Variants in PAPLN observed in about 807,000 individuals in gnomAD.
PAPLN encodes papilin, proteoglycan like sulfated glycoprotein, also known as papilin.
PAPLN carries 146 observed loss-of-function variants against 159.0 expected under a neutral mutation model. The ratio of observed to expected loss-of-function variants is 0.92; its 90% confidence interval spans 0.80 to 1.05. PAPLN has a LOEUF of 1.05. Ranked by LOEUF, PAPLN falls within the 50% of genes least tolerant of loss-of-function variation. The probability of loss-of-function intolerance (pLI) is 0.00; values close to 1 mark genes in which losing one functional copy is unlikely to be tolerated. For missense variants in PAPLN, 1,720 were observed against 1,743.9 expected, an observed-to-expected ratio of 0.99 and a Z score of 0.24; for synonymous variants, 734 against 702.9, an observed-to-expected ratio of 1.04 and a Z score of -0.70.
At chr14:73,244,854 C>A in intron 3 of PAPLN, 95 bp downstream of exon 3, 2 of 932,892 alleles carry the variant, frequency 2.1e-6, no homozygotes, top group Non-Finnish European at 3.2e-6. Flanking sequence ...TAGGCTAGCA[C>A]TGGCCACATC....
intron 2 of PAPLN, 171 bp from the exon 3 acceptor site, chr14:73,244,473 T>G: frequency 1.7e-6 from 1 of 572,686 alleles, no homozygotes; most frequent in Non-Finnish European, 3.1e-6. Flanking sequence ...TGAAAAGGAA[T>G]ATGTTTTGGG....
Position 73,254,974 on chromosome 14 carries a change from T to C in PAPLN, c.1583T>C (p.Val528Ala). 6.2e-7 allele frequency: 1 copy of C among 1,613,780 alleles called. No individual in the cohort carries two copies. The highest frequency in any genetic ancestry group is 1.1e-5 in the South Asian group (1 of 91,072). Reference protein sequence around the residue: ...HCGSLQHSKPVDVEPCNTQPC... With the variant: ...HCGSLQHSKPADVEPCNTQPC... ...GGGAGCCTGCAGCACTCCAAGCCTG[T>C]GGATGTGGAGCCTTGTAACACGCAG... Residue 528 changes from valine (V) to alanine (A), a missense_variant, in exon 14 of 27, where the codon GTG (valine) becomes GCG (alanine). Coordinates refer to ENST00000644200, the MANE Select transcript of PAPLN (RefSeq NM_001365906.3).
At chr14:73,249,788 C>T (rs1217285227) in intron 5 of PAPLN, 196 bp from the exon 6 acceptor site, 35 of 392,442 alleles carry the variant, frequency 8.9e-5, no homozygotes, top group Non-Finnish European at 6.3e-5. Context: ...GATTTTTCTT[C>T]GACTTGATCC....
chr14:73,238,074 G>C (rs977410924), intron 1 of PAPLN, among the ~76,000 whole-genome samples: 1 of 152,188 alleles, frequency 6.6e-6, no homozygotes, highest in Admixed American at 6.5e-5. Flanking sequence ...CCTGGGGTGG[G>C]GACGCGGGGT....
At chr14:73,247,808 G>T (rs1884660658) in intron 5 of PAPLN, among the ~76,000 whole-genome samples, 1 of 105,602 alleles carries the variant, frequency 9.5e-6, no homozygotes, top group Non-Finnish European at 1.9e-5. Context: ...GTGTGTGTGT[G>T]TGTGTGTGTG....
At chr14:73,269,511 CA>C (rs1270833705) in intron 26 of PAPLN, among the ~76,000 whole-genome samples, 1 of 152,170 alleles carries the variant, frequency 6.6e-6, no homozygotes, top group Non-Finnish European at 1.5e-5. Flanking sequence ...AATTAGGATG[CA>C]AACCAACTTG....
At chr14:73,262,315 A>T (rs774766050) in intron 18 of PAPLN, 35 bp from the exon 19 acceptor site, 2 of 1,566,870 alleles carry the variant, frequency 1.3e-6, no homozygotes, top group Non-Finnish European at 1.7e-6. Context: ...AGTACTGGGC[A>T]CCTCAGTGAC....
At chr14:73,248,438 C>T (rs1230167029) in intron 5 of PAPLN, among the ~76,000 whole-genome samples, 1 of 152,088 alleles carries the variant, frequency 6.6e-6, no homozygotes. Flanking sequence ...GGATACCTTC[C>T]ATGGTATGGA....
upstream of PAPLN, among the ~76,000 whole-genome samples, chr14:73,236,096 C>T (rs965227377): frequency 6.6e-6 from 1 of 152,114 alleles, no homozygotes; most frequent in African/African-American, 2.4e-5. Flanking sequence ...CCAACCTCTC[C>T]CCAACTTCTT....
intron 5 of PAPLN, 145 bp from the exon 6 acceptor site, chr14:73,249,839 G>A: frequency 2.4e-6 from 2 of 840,264 alleles, no homozygotes; most frequent in South Asian, 2.7e-5. Flanking sequence ...CCCTTCTCCT[G>A]GGGATGGGGC....
rs1887038677 is a variant in PAPLN at position 73,264,730 on chromosome 14, A to G, written c.3125+4A>G. 1 of 1,612,600 alleles carries G rather than the reference A, an allele frequency of 6.2e-7. No homozygotes were observed. The highest frequency in any genetic ancestry group is 1.3e-5 in the African/African-American group (1 of 74,884). On this transcript the variant is annotated splice_donor_region_variant and intron_variant, in intron 22 of 26. Coordinates refer to ENST00000644200, the MANE Select transcript of PAPLN (RefSeq NM_001365906.3). ...CACACCCACAGCCTGCAAACAGGTAAGAACTCAGCAATGCCATCTTGCCCT... is the reference window on the plus strand; with the variant it reads ...CACACCCACAGCCTGCAAACAGGTAGGAACTCAGCAATGCCATCTTGCCCT...
At chr14:73,261,414 C>A in intron 18 of PAPLN, 120 bp downstream of exon 18, 1 of 1,379,898 alleles carries the variant, frequency 7.2e-7, no homozygotes, top group Non-Finnish European at 9.7e-7. Context: ...ATTCCTACCA[C>A]AAATGTTGAT....
chr14:73,267,656 C>T (rs957574786), intron 25 of PAPLN, among the ~76,000 whole-genome samples: 3 of 152,206 alleles, frequency 2.0e-5, no homozygotes, highest in Admixed American at 6.5e-5. Flanking sequence ...AGAGGTGACG[C>T]GATTGCGGAG....
chr14:73,264,807 T>C, intron 22 of PAPLN, 81 bp downstream of exon 22: 1 of 1,589,538 alleles, frequency 6.3e-7, no homozygotes, highest in Non-Finnish European at 8.5e-7. Flanking sequence ...GAGGGGAACG[T>C]CTGCTGTGAC....
chr14:73,247,984 CTGTGTGTGTG>C (rs60942606), intron 5 of PAPLN, among the ~76,000 whole-genome samples: 1,698 of 19,312 alleles, frequency 0.088, 87 homozygotes, highest in East Asian at 0.14. Context: ...CTCATATCCT[CTGTGTGTGTG>C]TGTGTGTGTG....
In PAPLN at chr14:73,245,580, A is replaced by C. The variant is rs1946632293; in HGVS notation, c.171-56A>C. The C allele has an allele frequency of 6.5e-7, 1 of 1,527,400 alleles. No homozygotes were observed. Among genetic ancestry groups the C allele is most frequent in the African/African-American group, 1.4e-5 (1 of 72,560 alleles). The allele number at this position is 1,527,400 out of a possible 1,614,324, so 94.6% of individuals were successfully genotyped here. A position where few individuals can be genotyped will look rare whatever the true frequency, so the allele number is the denominator to read the frequency against. The stretch of plus-strand genomic sequence containing the variant: ...GTTGGGGCCTGCAGAGAGCCCCAGA[A>C]CGGGGGCAGGGACGTTGGGTCTCGG... On this transcript the variant is annotated intron_variant, in intron 3 of 26. Transcript: ENST00000644200. This position sits in a 1 kb window ranked among gnomAD's most constrained non-coding sequence, Gnocchi z 4.2.
chr14:73,264,562 C>T, intron 21 of PAPLN, 26 bp from the exon 22 acceptor site: 1 of 1,586,704 alleles, frequency 6.3e-7, no homozygotes, highest in Non-Finnish European at 8.5e-7. Context: ...ACAGCTCACA[C>T]CTTGTTTCTC....
At chr14:73,264,409 C>T (rs528145408) in intron 21 of PAPLN, 74 bp downstream of exon 21, 16 of 1,564,020 alleles carry the variant, frequency 1.0e-5, no homozygotes, top group Admixed American at 9.0e-5. Flanking sequence ...GGAGCCTGAC[C>T]GAGGGCTGCC....
chr14:73,252,311 C>CCG (rs1885375096), intron 10 of PAPLN, among the ~76,000 whole-genome samples, 170 bp downstream of exon 10: 1 of 152,194 alleles, frequency 6.6e-6, no homozygotes, highest in Non-Finnish European at 1.5e-5. Flanking sequence ...ACCCAGGGAT[C>CCG]TGGGGGACTC....
Sources: allele counts gnomAD v4.1 joint callset (sites outside exome capture counted in the v4.1 genomes callset), GRCh38; gene constraint gnomAD v4.1.1; non-coding constraint Gnocchi (gnomAD v3.1); transcripts MANE v1.5; gene names NCBI Gene and HGNC (gene_info 2026-07-23, HGNC 2026-07-21).